The following RPS6KA2 variants were observed in gnomAD, a reference collection of about 807,000 sequenced individuals.
The protein encoded by RPS6KA2 is ribosomal protein S6 kinase alpha-2.
RPS6KA2 carries 42 observed loss-of-function variants against 91.8 expected under a neutral mutation model. The ratio of observed to expected loss-of-function variants is 0.46; its 90% CI spans 0.36 to 0.59. The LOEUF is 0.59. Ranked by LOEUF, RPS6KA2 falls within the 20% of genes least tolerant of loss-of-function variation. The pLI is 0.00. For missense variants in RPS6KA2, 798 were observed against 978.5 expected, an observed-to-expected ratio of 0.82 and a Z score of 2.46; for synonymous variants, 414 against 393.6, an observed-to-expected ratio of 1.05 and a Z score of -0.61.
intron 2 of RPS6KA2, among the ~76,000 whole-genome samples, chr6:166,850,025 C>T (rs964445421): frequency 5.9e-5 from 9 of 152,108 alleles, no homozygotes; most frequent in Admixed American, 3.9e-4. Flanking sequence ...GGACGTGGAG[C>T]GGAGGCGTTT....
At chr6:166,543,244 C>T (rs1052597910) in intron 1 of RPS6KA2, among the ~76,000 whole-genome samples, 1 of 152,166 alleles carries the variant, frequency 6.6e-6, no homozygotes, top group Non-Finnish European at 1.5e-5. Flanking sequence ...GCACAGAACC[C>T]GGACACACCT....
intron 2 of RPS6KA2, among the ~76,000 whole-genome samples, chr6:166,848,966 T>G (rs1275260112): frequency 2.0e-5 from 3 of 152,134 alleles, no homozygotes; most frequent in Non-Finnish European, 4.4e-5. Flanking sequence ...GTCCCATCAC[T>G]CTCCTGCTTA....
Position 166,770,796 on chromosome 6 carries a change from TAAC to T in RPS6KA2, c.123+87401_123+87403del. 1 of 1,448,622 alleles carries T rather than the reference TAAC, an allele frequency of 6.9e-7. No individual in the cohort carries two copies. The allele number at this position is 1,448,622 out of a possible 1,614,324, so 89.7% of individuals were successfully genotyped here. ...AATAAATTGAAAAAGACTTCATGTT[TAAC>T]TTAAAAAAAAAATGTAACTCACATA... On this transcript the variant is annotated intron_variant, in intron 2 of 21. Coordinates refer to the RPS6KA2 transcript ENST00000503859. This position sits in a 1 kb window ranked among gnomAD's most constrained non-coding sequence, Gnocchi z 5.1.
At chr6:166,539,325 A>G (rs1208708278) in intron 1 of RPS6KA2, among the ~76,000 whole-genome samples, 1 of 152,214 alleles carries the variant, frequency 6.6e-6, no homozygotes, top group East Asian at 1.9e-4. Flanking sequence ...GGTCTTACCA[A>G]GGCCTCCGAA....
Position 166,412,290 on chromosome 6 carries a change from G to C in RPS6KA2, c.*472C>G, listed in dbSNP as rs1299251507. The C allele has an allele frequency of 2.0e-5, 3 of 153,278 alleles. No homozygotes were observed. Among genetic ancestry groups the C allele is most frequent in the Non-Finnish European group, 4.4e-5 (3 of 68,572 alleles). The allele number at this position is 153,278 out of a possible 1,614,324, so 9.5% of individuals were successfully genotyped here. ...GTCATCCAGCCCGTGGGGAGCCCCGGGATGCCAGGTCACCCCAGCCCTCTG... is the reference window on the plus strand; with the variant it reads ...GTCATCCAGCCCGTGGGGAGCCCCGCGATGCCAGGTCACCCCAGCCCTCTG... On this transcript the variant is annotated 3_prime_UTR_variant, in exon 21 of 21. Coordinates refer to ENST00000265678, the MANE Select transcript of RPS6KA2 (RefSeq NM_021135.6). This position sits in a 1 kb window ranked among gnomAD's most constrained non-coding sequence, Gnocchi z 4.3.
chr6:166,428,987 G>A (rs923400588), intron 16 of RPS6KA2, among the ~76,000 whole-genome samples: 9 of 151,494 alleles, frequency 5.9e-5, no homozygotes, highest in East Asian at 1.9e-4. Flanking sequence ...ACATGCACAC[G>A]TATGTTTATT....
At chr6:166,805,701 T>C (rs1779476556) in intron 2 of RPS6KA2, among the ~76,000 whole-genome samples, 1 of 152,020 alleles carries the variant, frequency 6.6e-6, no homozygotes, top group Admixed American at 6.5e-5. Flanking sequence ...GATTCCAATG[T>C]CCAGTTTCAA....
Position 166,626,805 on chromosome 6 carries a change from G to A in RPS6KA2, c.99+116C>T, listed in dbSNP as rs1786897174. 1 of 841,358 alleles carries A rather than the reference G, an allele frequency of 1.2e-6. No homozygotes were observed. Among genetic ancestry groups the A allele is most frequent in the East Asian group, 3.4e-5 (1 of 29,398 alleles). 52.1% of individuals were successfully genotyped at this position (841,358 alleles called of 1,614,324 possible). A position where few individuals can be genotyped will look rare whatever the true frequency, so the allele number is the denominator to read the frequency against. On this transcript the variant is annotated intron_variant, in intron 1 of 20. Coordinates refer to ENST00000265678, the MANE Select transcript of RPS6KA2 (RefSeq NM_021135.6). The surrounding 1 kb of genome is among the most constrained non-coding windows in gnomAD (Gnocchi z 4.1). ...TTTTCGGAACCGGACCAGCTTTCCA[G>A]TAACTTGAACTCCCTGACGGGTCTC...
chr6:166,578,482 T>C (rs1784907664), intron 1 of RPS6KA2, among the ~76,000 whole-genome samples: 1 of 152,240 alleles, frequency 6.6e-6, no homozygotes, highest in Non-Finnish European at 1.5e-5. Flanking sequence ...CTGTTCACTT[T>C]TGCAAAGCAG....
chr6:166,473,071 G>A (rs10484528), intron 10 of RPS6KA2, among the ~76,000 whole-genome samples: 9,899 of 152,168 alleles, frequency 0.065, 932 homozygotes, highest in African/African-American at 0.21. Context: ...AAATTGGGGC[G>A]TCACCTAATG....
intron 3 of RPS6KA2, among the ~76,000 whole-genome samples, chr6:166,514,008 C>T (rs1018080269): frequency 3.9e-5 from 6 of 152,186 alleles, no homozygotes; most frequent in Admixed American, 6.5e-5. Context: ...CTGGATTCTG[C>T]GTGCTGGTCA....
At chr6:166,570,118 T>C (rs577684159) in intron 1 of RPS6KA2, among the ~76,000 whole-genome samples, 5 of 152,266 alleles carry the variant, frequency 3.3e-5, no homozygotes, top group African/African-American at 9.6e-5. Context: ...AAGGGACACG[T>C]TCCCACAAAA....
In RPS6KA2 at chr6:166,594,824, T is replaced by C. The variant is rs9457190; in HGVS notation, c.99+32097A>G. 6.7e-3 allele frequency among the ~76,000 whole-genome samples: 1,021 copies of C among 152,338 alleles called. 5 individuals carry two copies. The highest frequency in any genetic ancestry group is 0.011 in the Non-Finnish European group (772 of 68,028). The stretch of plus-strand genomic sequence containing the variant: ...TCACTTTCATAGTGCTTTTCTGCTA[T>C]AAGGTTCTCAGAACACCAAAGTTCT... On this transcript the variant is annotated intron_variant, in intron 1 of 20. Coordinates refer to ENST00000265678, the MANE Select transcript of RPS6KA2 (RefSeq NM_021135.6).
intron 1 of RPS6KA2, among the ~76,000 whole-genome samples, chr6:166,607,140 C>CAAAAAAA (rs35281961): frequency 2.0e-5 from 2 of 97,860 alleles, no homozygotes; most frequent in Non-Finnish European, 2.1e-5. Flanking sequence ...AAAACTCCGT[C>CAAAAAAA]AAAAAAAAAA....
intron 2 of RPS6KA2, among the ~76,000 whole-genome samples, chr6:166,761,625 C>A (rs1383405182): frequency 6.6e-6 from 1 of 152,206 alleles, no homozygotes; most frequent in Non-Finnish European, 1.5e-5. Flanking sequence ...AGACCATCAG[C>A]GTCTCAGCCT....
Position 166,563,064 on chromosome 6 carries a change from C to T in RPS6KA2, c.100-24280G>A, listed in dbSNP as rs1784390039. Reference sequence around the variant, plus strand: ...CAGAGGGTCCTGAGTGTGGGAAACACAAGCTCTTCTAGCTTTTAGTCCTTG... The same window carrying T: ...CAGAGGGTCCTGAGTGTGGGAAACATAAGCTCTTCTAGCTTTTAGTCCTTG... On this transcript the variant is annotated intron_variant, in intron 1 of 20. Coordinates refer to ENST00000265678, the MANE Select transcript of RPS6KA2 (RefSeq NM_021135.6). The surrounding 1 kb of genome is among the most constrained non-coding windows in gnomAD (Gnocchi z 4.1). Among the ~76,000 whole-genome samples the T allele has an allele frequency of 6.6e-6, 1 of 152,228 alleles. No individual in the cohort carries two copies. Among genetic ancestry groups the T allele is most frequent in the African/African-American group, 2.4e-5 (1 of 41,472 alleles).
At chr6:166,757,205 C>A (rs962863682) in intron 2 of RPS6KA2, among the ~76,000 whole-genome samples, 1 of 152,194 alleles carries the variant, frequency 6.6e-6, no homozygotes, top group Non-Finnish European at 1.5e-5. Context: ...CTCCCCTTTG[C>A]TTCTGCACTT....
chr6:166,667,626 G>A (rs942074194), intron 2 of RPS6KA2, among the ~76,000 whole-genome samples: 1 of 152,170 alleles, frequency 6.6e-6, no homozygotes, highest in African/African-American at 2.4e-5. Flanking sequence ...TACACCTGAG[G>A]ACCACTTGGG....
intron 1 of RPS6KA2, among the ~76,000 whole-genome samples, chr6:166,571,387 C>T (rs190219878): frequency 7.2e-4 from 110 of 152,344 alleles, no homozygotes; most frequent in Non-Finnish European, 4.9e-4. Flanking sequence ...CTAAAAGCAA[C>T]AGCAGAAAGA....
Sources: allele counts gnomAD v4.1 joint callset (sites outside exome capture counted in the v4.1 genomes callset), GRCh38; gene constraint gnomAD v4.1.1; non-coding constraint Gnocchi (gnomAD v3.1); transcripts MANE v1.5; gene names NCBI Gene and HGNC (gene_info 2026-07-23, HGNC 2026-07-21).